Variants in CENPI observed in about 807,000 individuals in gnomAD.
The protein encoded by CENPI is FSH primary response 1.
In CENPI, 4 loss-of-function variants were observed where a neutral mutation model predicts 60.4. The observed-to-expected ratio is 0.07, with a 90% CI of 0.03 to 0.15. The LOEUF (loss-of-function observed/expected upper bound fraction) is 0.15, where lower values mean the gene tolerates loss of function less well. Ranked by LOEUF, CENPI falls within the 10% of genes least tolerant of loss-of-function variation. CENPI has a pLI of 1.00. For missense variants in CENPI, 444 were observed against 534.5 expected, an observed-to-expected ratio of 0.83 and a Z score of 1.67; for synonymous variants, 157 against 189.4, an observed-to-expected ratio of 0.83 and a Z score of 1.40.
intron 15 of CENPI, among the ~76,000 whole-genome samples, chrX:101,139,053 T>G (rs5967251): frequency 1.0e-5 from 1 of 95,479 alleles, no homozygotes; most frequent in Non-Finnish European, 2.1e-5. Flanking sequence ...CCTCCCAAAG[T>G]GCTGGGATTA....
At chrX:101,139,858 A>G (rs1166613276) in intron 15 of CENPI, among the ~76,000 whole-genome samples, 1 of 106,192 alleles carries the variant, frequency 9.4e-6, no homozygotes, top group Non-Finnish European at 1.9e-5. Context: ...TTTTTGAGAA[A>G]GAGTCTCACT....
At chrX:101,167,289 G>A (rs1177456024), downstream of CENPI, among the ~76,000 whole-genome samples, 3 of 111,612 alleles carry the variant, frequency 2.7e-5, no homozygotes, top group Non-Finnish European at 5.6e-5. Context: ...GAATGAGCAC[G>A]TATTTAATAG....
chrX:101,147,694 T>G (rs780379271), intron 18 of CENPI, 69 bp from the exon 19 acceptor site: 2 of 832,155 alleles, frequency 2.4e-6, no homozygotes, highest in South Asian at 4.6e-5. Flanking sequence ...TTTTTTAAAT[T>G]TTACCATTTC....
At chrX:101,142,592 A>G (rs942967161) in intron 16 of CENPI, among the ~76,000 whole-genome samples, 2 of 110,974 alleles carry the variant, frequency 1.8e-5, no homozygotes, top group Non-Finnish European at 3.8e-5. Flanking sequence ...AGAGGTTGCA[A>G]CCATCATTTA....
chrX:101,135,110 A>G (rs767638112), intron 15 of CENPI, among the ~76,000 whole-genome samples: 1 of 111,818 alleles, frequency 8.9e-6, no homozygotes, highest in Non-Finnish European at 1.9e-5. Context: ...TGAGTCTGTG[A>G]AAAAGCTGGA....
At chrX:101,139,387 G>A (rs2089889517) in intron 15 of CENPI, among the ~76,000 whole-genome samples, 1 of 110,796 alleles carries the variant, frequency 9.0e-6, no homozygotes, top group South Asian at 3.8e-4. Flanking sequence ...GAACCACCAC[G>A]CCTGGCCAAG....
rs192559743 is a variant in CENPI at position 101,135,825 on chromosome X, A to T, written c.1470+3369A>T. On this transcript the variant is annotated intron_variant, in intron 15 of 21. Coordinates refer to ENST00000682095, the MANE Select transcript of CENPI (RefSeq NM_001386188.2). ...AACCTCCGCCTAGCGGGTTCAAGCG[A>T]TTCTCTTGACTCAGCCTCCCCAGTA... 2.3e-4 allele frequency among the ~76,000 whole-genome samples: 25 copies of T among 110,891 alleles called. No homozygotes were observed. In the East Asian group the frequency reaches 7.1e-3, roughly 31 times the overall value.
chrX:101,173,128 G>T, the CENPI span, among the ~76,000 whole-genome samples: 47 of 97,534 alleles, frequency 4.8e-4, no homozygotes, highest in African/African-American at 1.8e-3. Flanking sequence ...CGATTCTCCT[G>T]CCTCAGCCTC....
chrX:101,098,411 GT>G (rs1396417660), intron 1 of CENPI, 32 bp from the exon 2 acceptor site: 1 of 111,190 alleles, frequency 9.0e-6, no homozygotes, highest in Non-Finnish European at 1.9e-5. Context: ...ACTGGGTGGG[GT>G]CAGAAGCTGC....
intron 4 of CENPI, among the ~76,000 whole-genome samples, chrX:101,106,455 C>T (rs1383327459): frequency 2.0e-5 from 2 of 102,090 alleles, no homozygotes; most frequent in African/African-American, 3.6e-5. Flanking sequence ...TTGCTCTTGT[C>T]ACCCAGGCTG....
At chrX:101,161,493 T>C in intron 20 of CENPI, 35 bp from the exon 21 acceptor site, 1 of 1,183,282 alleles carries the variant, frequency 8.5e-7, no homozygotes, top group Non-Finnish European at 1.1e-6. Context: ...TTTTTTGTTT[T>C]GCTTTGTTTT....
chrX:101,134,256 T>C (rs2089824948), intron 15 of CENPI, among the ~76,000 whole-genome samples: 1 of 111,651 alleles, frequency 9.0e-6, no homozygotes, highest in Non-Finnish European at 1.9e-5. Context: ...AGGCACCATT[T>C]ATCCTCTAAG....
At chrX:101,176,159 G>T in the CENPI span, among the ~76,000 whole-genome samples, 1 of 111,837 alleles carries the variant, frequency 8.9e-6, no homozygotes, top group African/African-American at 3.2e-5. Context: ...TTGTATGTGT[G>T]TATGTATGTG....
intron 7 of CENPI, 43 bp downstream of exon 7, chrX:101,120,493 G>A (rs1004916907): frequency 1.4e-6 from 1 of 707,200 alleles, no homozygotes; most frequent in Non-Finnish European, 2.2e-6. Flanking sequence ...TGTAGAATTA[G>A]CATTTGTATT....
At chrX:101,135,882 G>A (rs140940237) in intron 15 of CENPI, among the ~76,000 whole-genome samples, 2,409 of 111,112 alleles carry the variant, frequency 0.022, 57 homozygotes, top group African/African-American at 0.075. Flanking sequence ...CACCACACTC[G>A]GCTAATGTTT....
At chrX:101,125,532 G>T (rs922776253) in intron 8 of CENPI, among the ~76,000 whole-genome samples, 1 of 111,134 alleles carries the variant, frequency 9.0e-6, no homozygotes, top group Non-Finnish European at 1.9e-5. Flanking sequence ...GAGTAGCTGG[G>T]ACTACAGGTG....
intron 6 of CENPI, 34 bp from the exon 7 acceptor site, chrX:101,120,368 T>A (rs757137115): frequency 1.5e-6 from 1 of 675,009 alleles, no homozygotes; most frequent in East Asian, 3.3e-5. Flanking sequence ...AGACATATTA[T>A]CATTTCTCTT....
At chrX:101,166,920 C>G (rs1376849683), downstream of CENPI, among the ~76,000 whole-genome samples, 2 of 112,124 alleles carry the variant, frequency 1.8e-5, no homozygotes, top group Non-Finnish European at 3.8e-5. Context: ...CCACCACACC[C>G]AGCTAATTTT....
the CENPI span, among the ~76,000 whole-genome samples, chrX:101,174,780 A>G: frequency 9.0e-6 from 1 of 110,983 alleles, no homozygotes; most frequent in East Asian, 2.8e-4. Flanking sequence ...CAGGTAACAA[A>G]CATGCACATG....
Sources: allele counts gnomAD v4.1 joint callset (sites outside exome capture counted in the v4.1 genomes callset), GRCh38; gene constraint gnomAD v4.1.1; transcripts MANE v1.5; gene names NCBI Gene and HGNC (gene_info 2026-07-23, HGNC 2026-07-21).